The following HAVCR2 variants were observed in gnomAD, a reference collection of about 807,000 sequenced individuals.
HAVCR2 encodes the protein T cell immunoglobulin mucin 3.
In HAVCR2, 13 loss-of-function variants were observed where a neutral mutation model predicts 24.7. That is an observed-to-expected ratio of 0.53 (90% CI 0.34 to 0.84). The LOEUF (loss-of-function observed/expected upper bound fraction) is 0.84, where lower values mean the gene tolerates loss of function less well. HAVCR2 is among the 40% of genes least tolerant of loss of function. The pLI is 0.01. For synonymous variants in HAVCR2, 154 were observed against 143.4 expected, an observed-to-expected ratio of 1.07 and a Z score of -0.53; for missense variants, 343 against 371.2, an observed-to-expected ratio of 0.92 and a Z score of 0.62.
rs1486692775 is a variant in HAVCR2, at chr5:157,086,300, T to C, written c.*802A>G. On this transcript the variant is annotated 3_prime_UTR_variant, in exon 7 of 7. Transcript: ENST00000307851. ...GCTCAAATAAGCCTAAATCTCAACA[T>C]TCCAAGGGAATCTTCAAGATCAAGG... The C allele has an allele frequency of 6.6e-6, 1 of 152,222 alleles. No homozygotes were observed. Among genetic ancestry groups the C allele is most frequent in the East Asian group, 1.9e-4 (1 of 5,192 alleles). The allele number at this position is 152,222 out of a possible 1,614,324, so 9.4% of individuals were successfully genotyped here.
intron 3 of HAVCR2, among the ~76,000 whole-genome samples, chr5:157,103,020 G>C (rs890034430): frequency 1.3e-5 from 2 of 151,506 alleles, no homozygotes; most frequent in South Asian, 2.1e-4. Context: ...GCACCACCTC[G>C]ACAGGGAGTG....
Position 157,108,891 on chromosome 5 carries a change from A to G in HAVCR2, c.58+35T>C, listed in dbSNP as rs192729789. 9.8e-4 allele frequency: 1,570 copies of G among 1,604,570 alleles called. 4 individuals carry two copies. The highest frequency in any genetic ancestry group is 1.4e-3 in the Admixed American group (86 of 59,988). On this transcript the variant is annotated intron_variant, in intron 1 of 6. Transcript: ENST00000307851. ...TCTCCCTTGTCCTCTGTACAGCACCATTATGTCATTGTAAATATCCATGCC... is the reference window on the plus strand; with the variant it reads ...TCTCCCTTGTCCTCTGTACAGCACCGTTATGTCATTGTAAATATCCATGCC...
intron 5 of HAVCR2, among the ~76,000 whole-genome samples, chr5:157,090,524 G>A (rs1314534271): frequency 6.6e-6 from 1 of 152,110 alleles, no homozygotes; most frequent in Non-Finnish European, 1.5e-5. Flanking sequence ...AACTCGGGAG[G>A]TAGAGGTTGC....
intron 3 of HAVCR2, among the ~76,000 whole-genome samples, chr5:157,100,084 A>C (rs1311591137): frequency 6.6e-6 from 1 of 152,222 alleles, no homozygotes; most frequent in Admixed American, 6.5e-5. Flanking sequence ...CTGTGGTCAC[A>C]ATGTAATAGG....
intron 5 of HAVCR2, among the ~76,000 whole-genome samples, chr5:157,090,889 CA>C (rs937559196): frequency 6.6e-6 from 1 of 152,054 alleles, no homozygotes; most frequent in African/African-American, 2.4e-5. Flanking sequence ...CTGTGTCACC[CA>C]GGCTAGAATG....
In HAVCR2 at chr5:157,095,574, C is replaced by T. The variant is rs749703633; in HGVS notation, c.523-115G>A. ...TTACAACATCACAGGATGGCTGAGTCCTTCAAATCACCTTTGATCTGTCAC... is the reference window on the plus strand; with the variant it reads ...TTACAACATCACAGGATGGCTGAGTTCTTCAAATCACCTTTGATCTGTCAC... On this transcript the variant is annotated intron_variant, in intron 4 of 6. Coordinates refer to ENST00000307851, the MANE Select transcript of HAVCR2 (RefSeq NM_032782.5). The T allele has an allele frequency of 3.5e-5, 39 of 1,117,792 alleles. No individual in the cohort carries two copies. The Middle Eastern group carries it at 1.2e-3, about 35-fold the overall frequency. 69.2% of individuals were successfully genotyped at this position (1,117,792 alleles called of 1,614,324 possible).
chr5:157,093,360 T>C (rs900533466), intron 5 of HAVCR2, among the ~76,000 whole-genome samples: 3 of 152,084 alleles, frequency 2.0e-5, no homozygotes, highest in African/African-American at 7.2e-5. Context: ...TTAGTACCTA[T>C]CTCATAGGGT....
At chr5:157,103,475 T>C (rs974685194) in intron 3 of HAVCR2, among the ~76,000 whole-genome samples, 15 of 152,138 alleles carry the variant, frequency 9.9e-5, no homozygotes, top group Non-Finnish European at 2.9e-5. Context: ...CTTTAAAATA[T>C]AACAATGGCA....
intron 4 of HAVCR2, among the ~76,000 whole-genome samples, chr5:157,098,202 T>G (rs1757120543): frequency 6.6e-6 from 1 of 150,940 alleles, no homozygotes; most frequent in Admixed American, 6.6e-5. Context: ...AGGTCAGGAG[T>G]TCAAGATCAG....
At chr5:157,094,514 G>A (rs916023218) in intron 5 of HAVCR2, among the ~76,000 whole-genome samples, 1 of 151,836 alleles carries the variant, frequency 6.6e-6, no homozygotes, top group Non-Finnish European at 1.5e-5. Context: ...CTCCTGAGTA[G>A]CTGGGATTAC....
intron 4 of HAVCR2, among the ~76,000 whole-genome samples, chr5:157,097,904 TTTC>T (rs1358285727): frequency 2.0e-5 from 3 of 152,012 alleles, no homozygotes; most frequent in Non-Finnish European, 2.9e-5. Context: ...CCAGCCAGTT[TTTC>T]TTTTATTCTG....
At chr5:157,102,934 CA>C (rs34491013) in intron 3 of HAVCR2, among the ~76,000 whole-genome samples, 2,997 of 119,324 alleles carry the variant, frequency 0.025, 106 homozygotes, top group African/African-American at 0.09. Flanking sequence ...GACTCCGTCT[CA>C]AAAAAAAAAA....
intron 5 of HAVCR2, among the ~76,000 whole-genome samples, chr5:157,089,222 G>T (rs1245226484): frequency 6.6e-6 from 1 of 152,144 alleles, no homozygotes; most frequent in Non-Finnish European, 1.5e-5. Flanking sequence ...CTGGCAGTTT[G>T]CCTGGCACAA....
chr5:157,096,755 C>T (rs1038482458), intron 4 of HAVCR2, among the ~76,000 whole-genome samples: 10 of 151,470 alleles, frequency 6.6e-5, no homozygotes, highest in Admixed American at 2.6e-4. Flanking sequence ...CCAGCCTGGG[C>T]GACAAGAGCA....
chr5:157,103,835 C>A (rs74657365), intron 3 of HAVCR2, among the ~76,000 whole-genome samples: 3,338 of 152,328 alleles, frequency 0.022, 60 homozygotes, highest in African/African-American at 0.05. Context: ...AATTAGAACC[C>A]ATTCCACCTG....
chr5:157,103,162 G>A (rs565540687), intron 3 of HAVCR2, among the ~76,000 whole-genome samples: 44 of 152,138 alleles, frequency 2.9e-4, no homozygotes, highest in Non-Finnish European at 5.1e-4. Flanking sequence ...AGGAGATGGA[G>A]ACCATCCTGG....
At chr5:157,100,416 G>A (rs1757151534) in intron 3 of HAVCR2, among the ~76,000 whole-genome samples, 2 of 152,088 alleles carry the variant, frequency 1.3e-5, no homozygotes, top group South Asian at 4.1e-4. Context: ...TTTCCTTCCT[G>A]TTCATTTGTT....
At chr5:157,102,736 A>C (rs6873507) in intron 3 of HAVCR2, among the ~76,000 whole-genome samples, 1 of 151,726 alleles carries the variant, frequency 6.6e-6, no homozygotes, top group African/African-American at 2.4e-5. Context: ...GGAGTTCGAG[A>C]CCAGCATGGC....
intron 4 of HAVCR2, among the ~76,000 whole-genome samples, chr5:157,097,177 G>A (rs1757105852): frequency 6.6e-6 from 1 of 151,958 alleles, no homozygotes; most frequent in Non-Finnish European, 1.5e-5. Flanking sequence ...ACAAGATGCT[G>A]AGCATCAGTT....
Sources: gnomAD v4.1 joint callset for allele counts (sites outside exome capture counted in the v4.1 genomes callset) on GRCh38, gnomAD v4.1.1 for gene constraint, MANE v1.5 for transcripts, NCBI Gene and HGNC (gene_info 2026-07-23, HGNC 2026-07-21) for gene names.